The following PTPRN2 variants were observed in gnomAD, a reference collection of about 807,000 sequenced individuals.
PTPRN2 encodes the protein protein tyrosine phosphatase receptor type N2.
A neutral mutation model predicts 118.8 loss-of-function variants in PTPRN2; 74 were observed. The ratio of observed to expected loss-of-function variants is 0.62; its 90% CI spans 0.52 to 0.76. The LOEUF is 0.76. PTPRN2 is among the 30% of genes least tolerant of loss of function. PTPRN2 has a pLI of 0.00. For synonymous variants in PTPRN2, 641 were observed against 608.0 expected (o/e 1.05, Z -0.80); for missense variants, 1,481 against 1,394.4 (o/e 1.06, Z -0.99).
At chr7:158,260,972 G>A (rs1272245543) in intron 3 of PTPRN2, among the ~76,000 whole-genome samples, 1 of 152,158 alleles carries the variant, frequency 6.6e-6, no homozygotes, top group Admixed American at 6.5e-5. Flanking sequence ...TGTCCCTCCA[G>A]GGTCAGCTCA....
chr7:158,433,484 C>G (rs934996720), intron 2 of PTPRN2, among the ~76,000 whole-genome samples: 1 of 152,136 alleles, frequency 6.6e-6, no homozygotes, highest in African/African-American at 2.4e-5. Flanking sequence ...AAATACATAG[C>G]TACATTTGTC....
intron 3 of PTPRN2, among the ~76,000 whole-genome samples, chr7:158,310,448 G>A (rs1177661284): frequency 6.6e-6 from 1 of 152,254 alleles, no homozygotes; most frequent in Non-Finnish European, 1.5e-5. Flanking sequence ...GCAGAGTGGT[G>A]AGGACCATGG....
At chr7:158,206,003 T>C (rs1433298075) in intron 3 of PTPRN2, among the ~76,000 whole-genome samples, 1 of 152,176 alleles carries the variant, frequency 6.6e-6, no homozygotes, top group Non-Finnish European at 1.5e-5. Context: ...CTGCCTATGA[T>C]GGAAGGACTA....
chr7:158,231,644 T>C lies in PTPRN2; in HGVS notation c.278-26371A>G, dbSNP rs74746824. Among the ~76,000 whole-genome samples, 1,075 of 152,278 alleles carry C rather than the reference T, an allele frequency of 7.1e-3. 15 individuals are homozygous for C. The highest frequency in any genetic ancestry group is 0.025 in the African/African-American group (1,023 of 41,538). ...ATAGGCTTGACTGACATTTATATCA[T>C]TTCACCCGACTGCTACAGAATACCC... On this transcript the variant is annotated intron_variant, in intron 3 of 22. Coordinates refer to ENST00000389418, the MANE Select transcript of PTPRN2 (RefSeq NM_002847.5).
intron 9 of PTPRN2, among the ~76,000 whole-genome samples, chr7:158,111,695 G>C (rs1371018139): frequency 6.6e-6 from 1 of 152,238 alleles, no homozygotes; most frequent in Admixed American, 6.5e-5. Context: ...CAGGGCACCA[G>C]GAGCTGCTTC....
At chr7:158,198,521 A>C (rs1264805665) in intron 4 of PTPRN2, among the ~76,000 whole-genome samples, 2 of 152,204 alleles carry the variant, frequency 1.3e-5, no homozygotes, top group Non-Finnish European at 2.9e-5. Flanking sequence ...TATGTTTTAT[A>C]TCCAACCTTC....
At chr7:158,213,913 A>G (rs539741419) in intron 3 of PTPRN2, among the ~76,000 whole-genome samples, 159 of 152,290 alleles carry the variant, frequency 1.0e-3, no homozygotes, top group Middle Eastern at 3.4e-3. Context: ...TCTAAAAATC[A>G]TATAAGTCTG....
chr7:157,622,960 G>A lies in PTPRN2; in HGVS notation c.2197-1451C>T, dbSNP rs1382631101. ...AACAGAAACATCAGGGCTGCTCTGA[G>A]CCAAAGCGAACGAGTTCATCTACTC... On this transcript the variant is annotated intron_variant, in intron 14 of 22. Transcript: ENST00000389418. This position sits in a 1 kb window ranked among gnomAD's most constrained non-coding sequence, Gnocchi z 5.3. Among the ~76,000 whole-genome samples, 3 of 152,172 alleles carry A rather than the reference G, an allele frequency of 2.0e-5. No individual in the cohort carries two copies. Among genetic ancestry groups the A allele is most frequent in the Non-Finnish European group, 4.4e-5 (3 of 68,032 alleles).
rs1326688771 is a variant in PTPRN2, at chr7:158,587,217, C to T, written c.112+341G>A. Among the ~76,000 whole-genome samples the T allele has an allele frequency of 1.1e-3, 145 of 133,120 alleles. 2 individuals are homozygous for T. The highest frequency in any genetic ancestry group is 4.0e-3 in the African/African-American group (140 of 35,304). The allele number at this position is 133,120 out of a possible 152,430, so 87.3% of individuals were successfully genotyped here. On this transcript the variant is annotated intron_variant, in intron 1 of 22. Transcript: ENST00000389418. ...ACTCATTCATTGAGGCGCCCCTTCC[C>T]CCACGCCCCGCATTCATTGAGGCGC...
intron 11 of PTPRN2, among the ~76,000 whole-genome samples, chr7:158,034,886 T>C (rs1480868183): frequency 6.6e-6 from 1 of 152,236 alleles, no homozygotes; most frequent in African/African-American, 2.4e-5. Context: ...AGAAGCAGAC[T>C]CTACTTTTGT....
intron 2 of PTPRN2, among the ~76,000 whole-genome samples, chr7:158,400,649 T>C (rs773944474): frequency 8.5e-5 from 13 of 152,142 alleles, no homozygotes; most frequent in South Asian, 6.2e-4. Context: ...AGTTGCCCTC[T>C]TGCAGGTCCC....
Position 158,486,159 on chromosome 7 carries a change from C to T in PTPRN2, c.163+3576G>A, listed in dbSNP as rs114024784. ...TATTTTATTGGGGCATATTCTCACA[C>T]ATCAGATTGCCGGGTCACGGGCCAC... On this transcript the variant is annotated intron_variant, in intron 2 of 22. Transcript: ENST00000389418. Among the ~76,000 whole-genome samples the T allele has an allele frequency of 7.4e-3, 1,121 of 152,362 alleles. 17 individuals carry two copies. Among genetic ancestry groups the T allele is most frequent in the African/African-American group, 0.026 (1,062 of 41,576 alleles).
Position 158,286,361 on chromosome 7 carries a change from TGCCCTG to T in PTPRN2, c.277+30452_277+30457del, listed in dbSNP as rs2151012099. 2.6e-5 allele frequency among the ~76,000 whole-genome samples: 4 copies of T among 152,362 alleles called. 1 individual carries two copies. Among genetic ancestry groups the T allele is most frequent in the Admixed American group, 2.6e-4 (4 of 15,304 alleles). On this transcript the variant is annotated intron_variant, in intron 3 of 22. Coordinates refer to ENST00000389418, the MANE Select transcript of PTPRN2 (RefSeq NM_002847.5). The stretch of plus-strand genomic sequence containing the variant: ...CTTTTGTTTCTTCCTTTTGCCTAAT[TGCCCTG>T]GCTAGGTTTTGCAATACAGTGTTGA...
chr7:158,507,240 GGTCA>G (rs1227194946), intron 1 of PTPRN2, among the ~76,000 whole-genome samples: 4 of 152,108 alleles, frequency 2.6e-5, no homozygotes, highest in Admixed American at 2.6e-4. Flanking sequence ...CACACAGAGA[GGTCA>G]GTGAGGACTG....
intron 21 of PTPRN2, among the ~76,000 whole-genome samples, chr7:157,556,588 C>A (rs1798896965): frequency 6.7e-6 from 1 of 150,262 alleles, no homozygotes; most frequent in Non-Finnish European, 1.5e-5. Flanking sequence ...CACATTCATG[C>A]ACACATCCAA....
chr7:158,125,289 A>C (rs1348558317), intron 9 of PTPRN2, among the ~76,000 whole-genome samples: 5,202 of 48,682 alleles, frequency 0.11, no homozygotes, highest in Non-Finnish European at 0.13. Flanking sequence ...CCCACGGCCG[A>C]CCCCCTGCCT....
At chr7:157,879,712 G>A (rs1188238494) in intron 12 of PTPRN2, among the ~76,000 whole-genome samples, 2 of 151,876 alleles carry the variant, frequency 1.3e-5, no homozygotes, top group African/African-American at 4.8e-5. Context: ...AGAGGCCCAT[G>A]CCAGAAGCGA....
intron 12 of PTPRN2, among the ~76,000 whole-genome samples, chr7:157,733,918 G>T (rs71541695): frequency 7.5e-3 from 74 of 9,922 alleles, no homozygotes; most frequent in Admixed American, 0.011. Flanking sequence ...TTCCGTCCCA[G>T]GCGCCCAGCA....
chr7:158,036,328 G>A (rs1462089548), intron 11 of PTPRN2, among the ~76,000 whole-genome samples: 1 of 152,182 alleles, frequency 6.6e-6, no homozygotes, highest in East Asian at 1.9e-4. Flanking sequence ...AGTTAAATCA[G>A]TATTCAAAAA....
Sources: allele counts gnomAD v4.1 joint callset (sites outside exome capture counted in the v4.1 genomes callset), GRCh38; gene constraint gnomAD v4.1.1; non-coding constraint Gnocchi (gnomAD v3.1); transcripts MANE v1.5; gene names NCBI Gene and HGNC (gene_info 2026-07-23, HGNC 2026-07-21).